The following RGS6 variants were observed in gnomAD, a reference collection of about 807,000 sequenced individuals.
RGS6 encodes the protein regulator of G-protein signaling 6.
Under a neutral mutation model 78.5 loss-of-function variants are expected in RGS6, and 30 were observed. The observed-to-expected ratio is 0.38, with a 90% CI of 0.29 to 0.52. The LOEUF is 0.52. Among genes scored for constraint, RGS6 ranks in the 20% least tolerant of loss-of-function variants. The pLI is 0.85. For synonymous variants in RGS6, 206 were observed against 206.0 expected, an observed-to-expected ratio of 1.00 and a Z score of 0.00; for missense variants, 495 against 609.7, an observed-to-expected ratio of 0.81 and a Z score of 1.98.
At chr14:72,007,107 T>C (rs1470956589) in intron 2 of RGS6, among the ~76,000 whole-genome samples, 3 of 151,068 alleles carry the variant, frequency 2.0e-5, no homozygotes, top group Non-Finnish European at 4.4e-5. Flanking sequence ...AAACTGGTGA[T>C]ATAGTTAAGG....
At chr14:71,888,909 T>A in the RGS6 span, among the ~76,000 whole-genome samples, 1 of 152,174 alleles carries the variant, frequency 6.6e-6, no homozygotes, top group African/African-American at 2.4e-5. Flanking sequence ...ATGTATTGGA[T>A]CCCTGAAAAG....
intron 2 of RGS6, among the ~76,000 whole-genome samples, chr14:72,148,091 A>G (rs952998770): frequency 7.1e-5 from 10 of 140,964 alleles, no homozygotes; most frequent in African/African-American, 2.7e-4. Flanking sequence ...AGATTGCACC[A>G]CTGCACTCCA....
intron 2 of RGS6, among the ~76,000 whole-genome samples, chr14:71,972,589 G>A (rs1447955964): frequency 6.6e-6 from 1 of 152,146 alleles, no homozygotes; most frequent in African/African-American, 2.4e-5. Context: ...GATCTGAAAT[G>A]GGGAAGTCAA....
the RGS6 span, among the ~76,000 whole-genome samples, chr14:72,628,451 A>T: frequency 4.3e-4 from 66 of 152,300 alleles, no homozygotes; most frequent in African/African-American, 1.6e-3. Context: ...ATCTTCCTGG[A>T]ATTACTCCAG....
intron 8 of RGS6, among the ~76,000 whole-genome samples, chr14:72,472,135 T>C (rs374328951): frequency 1.3e-5 from 2 of 150,264 alleles, no homozygotes; most frequent in East Asian, 2.0e-4. Flanking sequence ...AGTTGCTTTT[T>C]ACTTGAAATA....
At chr14:72,478,936 T>G (rs1239181591) in intron 12 of RGS6, among the ~76,000 whole-genome samples, 1 of 152,232 alleles carries the variant, frequency 6.6e-6, no homozygotes, top group Non-Finnish European at 1.5e-5. Context: ...TGGTCTGTTT[T>G]TTTAACTCTT....
chr14:72,260,644 A>T (rs2057990716), intron 2 of RGS6, among the ~76,000 whole-genome samples: 1 of 152,174 alleles, frequency 6.6e-6, no homozygotes, highest in African/African-American at 2.4e-5. Context: ...AAGAGCTCTG[A>T]TCTAGAGATA....
chr14:72,000,629 G>C (rs2083245194), intron 2 of RGS6, among the ~76,000 whole-genome samples: 1 of 152,174 alleles, frequency 6.6e-6, no homozygotes, highest in African/African-American at 2.4e-5. Flanking sequence ...AGGGACAAGA[G>C]ATAGGAAAAT....
chr14:71,926,937 A>G, the RGS6 span, among the ~76,000 whole-genome samples: 1 of 152,202 alleles, frequency 6.6e-6, no homozygotes, highest in Admixed American at 6.5e-5. Flanking sequence ...ATTGATTCTA[A>G]TCAACTGTGG....
chr14:72,557,750 A>C (rs1164440155), intron 17 of RGS6, among the ~76,000 whole-genome samples: 1 of 152,224 alleles, frequency 6.6e-6, no homozygotes, highest in Non-Finnish European at 1.5e-5. Flanking sequence ...GCAGGGATGG[A>C]AAATGCCTGT....
At chr14:72,476,973 T>G in intron 11 of RGS6, 133 bp downstream of exon 11, 1 of 736,548 alleles carries the variant, frequency 1.4e-6, no homozygotes, top group Non-Finnish European at 2.3e-6. Context: ...TGTGGGTGAT[T>G]GAACCTTTTA....
the RGS6 span, among the ~76,000 whole-genome samples, chr14:72,590,054 T>C: frequency 0.028 from 4,194 of 152,314 alleles, 114 homozygotes; most frequent in Admixed American, 0.064. Flanking sequence ...TCAACATTAG[T>C]AGTCATCAGA....
chr14:72,016,563 C>G (rs2087027860), intron 2 of RGS6, among the ~76,000 whole-genome samples: 1 of 152,090 alleles, frequency 6.6e-6, no homozygotes, highest in South Asian at 2.1e-4. Context: ...GATGGGGTTT[C>G]ACCGTGTTAG....
intron 2 of RGS6, among the ~76,000 whole-genome samples, chr14:72,166,518 A>G (rs573138956): frequency 6.6e-6 from 1 of 152,316 alleles, no homozygotes; most frequent in Admixed American, 6.5e-5. Context: ...AATTTTCTAG[A>G]TGGAGAAGAT....
Position 71,973,575 on chromosome 14 carries a change from C to A in RGS6, c.84+8700C>A, listed in dbSNP as rs192106040. Among the ~76,000 whole-genome samples, 8 of 152,258 alleles carry A rather than the reference C, an allele frequency of 5.3e-5. No individual in the cohort carries two copies. The East Asian group carries it at 1.5e-3, about 29-fold the overall frequency. On this transcript the variant is annotated intron_variant, in intron 2 of 17. Coordinates refer to ENST00000553525, the MANE Select transcript of RGS6 (RefSeq NM_001204424.2). ...TGGCACACGCCTGTAATCCCAGCTA[C>A]TTGGGAGGCTGAGGCAGGAGAATCA...
At chr14:72,303,282 C>G (rs1438412081) in intron 2 of RGS6, among the ~76,000 whole-genome samples, 6 of 152,230 alleles carry the variant, frequency 3.9e-5, no homozygotes, top group Non-Finnish European at 8.8e-5. Context: ...GGGTGGGTCA[C>G]CTGAGGTCAG....
chr14:72,398,545 A>G (rs1054469885), intron 3 of RGS6, among the ~76,000 whole-genome samples: 2 of 151,934 alleles, frequency 1.3e-5, no homozygotes, highest in Admixed American at 6.6e-5. Flanking sequence ...TTGTGTCTCT[A>G]TTTCCTTCAG....
chr14:72,259,122 A>G (rs982535343), intron 2 of RGS6, among the ~76,000 whole-genome samples: 1 of 152,184 alleles, frequency 6.6e-6, no homozygotes, highest in African/African-American at 2.4e-5. Context: ...GAGGTTGCAA[A>G]CTGGCAGTCC....
chr14:72,181,808 A>G (rs1407152307), intron 2 of RGS6, among the ~76,000 whole-genome samples: 2 of 152,212 alleles, frequency 1.3e-5, no homozygotes, highest in South Asian at 4.1e-4. Context: ...AGTACCTACT[A>G]TGTGCCTAAT....
Sources: allele counts gnomAD v4.1 joint callset (sites outside exome capture counted in the v4.1 genomes callset), GRCh38; gene constraint gnomAD v4.1.1; transcripts MANE v1.5; gene names NCBI Gene and HGNC (gene_info 2026-07-23, HGNC 2026-07-21).